Variants in CLNK observed in about 807,000 individuals in gnomAD.
CLNK encodes cytokine dependent hematopoietic cell linker.
CLNK carries 74 observed loss-of-function variants against 68.6 expected under a neutral mutation model. That is an observed-to-expected ratio of 1.08 (90% CI 0.89 to 1.31). The LOEUF (loss-of-function observed/expected upper bound fraction) is 1.31. Among genes scored for constraint, CLNK ranks in the 50% most tolerant of loss-of-function variants. CLNK has a pLI of 0.00. For missense variants in CLNK, 553 were observed against 515.3 expected, an observed-to-expected ratio of 1.07 and a Z score of -0.71; for synonymous variants, 198 against 172.2, an observed-to-expected ratio of 1.15 and a Z score of -1.17.
chr4:10,565,536 C>T (rs1720073012), intron 6 of CLNK, among the ~76,000 whole-genome samples: 1 of 152,190 alleles, frequency 6.6e-6, no homozygotes, highest in African/African-American at 2.4e-5. Flanking sequence ...CCTGCTGACG[C>T]TCTTAGGCTG....
In CLNK at chr4:10,575,570, G is replaced by A. The variant is rs528070754; in HGVS notation, c.113-3792C>T. On this transcript the variant is annotated intron_variant, in intron 4 of 18. Transcript: ENST00000226951. ...CAGGCCTGTCTCCTTTCCCTGTGGT[G>A]CTTGGCTGGCGTACATATCTCTCCT... Among the ~76,000 whole-genome samples the A allele has an allele frequency of 4.6e-5, 7 of 152,374 alleles. No individual in the cohort carries two copies. In the South Asian group the frequency reaches 1.4e-3, roughly 32 times the overall value.
chr4:10,577,568 C>T (rs1031706524), intron 4 of CLNK, among the ~76,000 whole-genome samples: 1 of 152,182 alleles, frequency 6.6e-6, no homozygotes, highest in Admixed American at 6.5e-5. Context: ...TTCCAGGATA[C>T]TCCCTGAAGT....
In CLNK at chr4:10,489,611, C is replaced by G. The variant is rs1258711835; in HGVS notation, c.*856G>C. On this transcript the variant is annotated 3_prime_UTR_variant, in exon 19 of 19. Coordinates refer to ENST00000226951, the MANE Select transcript of CLNK (RefSeq NM_052964.4). ...TGGTTTTCCATACCACATTTCTTCCCTATACTTGAATTTCTAGGATTACAA... is the reference window on the plus strand; with the variant it reads ...TGGTTTTCCATACCACATTTCTTCCGTATACTTGAATTTCTAGGATTACAA... The G allele has an allele frequency of 6.6e-6, 1 of 151,782 alleles. No homozygotes were observed. The highest frequency in any genetic ancestry group is 1.9e-4 in the East Asian group (1 of 5,188). The allele number at this position is 151,782 out of a possible 1,614,324, so 9.4% of individuals were successfully genotyped here.
intron 3 of CLNK, among the ~76,000 whole-genome samples, chr4:10,587,047 C>T (rs1254176536): frequency 6.6e-6 from 1 of 151,952 alleles, no homozygotes. Flanking sequence ...TCACTGCAAC[C>T]TCCGCCTCCC....
intron 2 of CLNK, chr4:10,635,645 A>G (rs1263422269): frequency 6.6e-6 from 1 of 152,212 alleles, no homozygotes; most frequent in Non-Finnish European, 1.5e-5. Context: ...ATTGCTCTGT[A>G]TGAATCTAGA....
intron 5 of CLNK, among the ~76,000 whole-genome samples, chr4:10,569,946 G>A (rs1370347396): frequency 1.3e-5 from 2 of 152,122 alleles, no homozygotes; most frequent in Non-Finnish European, 1.5e-5. Flanking sequence ...GTGATGTGCT[G>A]AGCCATAGGT....
At chr4:10,534,604 T>A (rs570666851) in intron 11 of CLNK, among the ~76,000 whole-genome samples, 185 of 152,324 alleles carry the variant, frequency 1.2e-3, no homozygotes, top group African/African-American at 4.3e-3. Flanking sequence ...TGAAGAGAAT[T>A]GCTGAAGATT....
At chr4:10,537,711 CTTTCTTTCTTTCTTTCTTTCTTT>C (rs1718848199) in intron 11 of CLNK, among the ~76,000 whole-genome samples, 1 of 99,436 alleles carries the variant, frequency 1.0e-5, no homozygotes, top group Non-Finnish European at 2.0e-5. Context: ...TCCTTCCTTT[CTTTCTTTCTTTCTTTCTTTCTTT>C]CTTCCTTTCT....
At chr4:10,658,304 T>C (rs2108887012) in intron 2 of CLNK, among the ~76,000 whole-genome samples, 1 of 152,366 alleles carries the variant, frequency 6.6e-6, no homozygotes, top group South Asian at 2.1e-4. Flanking sequence ...CTTTAAATTG[T>C]ATCCTGAATA....
At chr4:10,626,010 C>T (rs1722655643) in intron 2 of CLNK, among the ~76,000 whole-genome samples, 1 of 152,212 alleles carries the variant, frequency 6.6e-6, no homozygotes, top group Non-Finnish European at 1.5e-5. Flanking sequence ...AAATGATTCC[C>T]ACCTTTAAGG....
intron 18 of CLNK, among the ~76,000 whole-genome samples, chr4:10,490,962 G>A (rs573293830): frequency 6.0e-4 from 91 of 152,094 alleles, no homozygotes; most frequent in Non-Finnish European, 1.1e-3. Flanking sequence ...ACAGGGTTTC[G>A]CCATGTTGGC....
chr4:10,696,492 C>G, the CLNK span, among the ~76,000 whole-genome samples: 5 of 152,302 alleles, frequency 3.3e-5, no homozygotes, highest in Admixed American at 1.3e-4. Context: ...ACACGGCAGT[C>G]TAGGGGAGCT....
At chr4:10,608,943 T>C (rs922629657) in intron 2 of CLNK, among the ~76,000 whole-genome samples, 1 of 152,156 alleles carries the variant, frequency 6.6e-6, no homozygotes, top group Non-Finnish European at 1.5e-5. Flanking sequence ...AAAAATCATC[T>C]CTCTTACATT....
At chr4:10,654,992 T>C (rs965124472) in intron 2 of CLNK, among the ~76,000 whole-genome samples, 1 of 148,916 alleles carries the variant, frequency 6.7e-6, no homozygotes, top group Admixed American at 6.9e-5. Flanking sequence ...TCCCACCTAC[T>C]AGGGAGGCTG....
intron 10 of CLNK, 44 bp from the exon 11 acceptor site, chr4:10,540,648 G>A: frequency 1.5e-6 from 2 of 1,357,242 alleles, no homozygotes; most frequent in South Asian, 1.2e-5. Context: ...GTTTGCTGCA[G>A]CAGTGATGCC....
intron 2 of CLNK, among the ~76,000 whole-genome samples, chr4:10,613,204 G>A (rs1722098446): frequency 6.6e-6 from 1 of 152,142 alleles, no homozygotes; most frequent in Non-Finnish European, 1.5e-5. Flanking sequence ...AGGTGATAAG[G>A]TGCTCTGGAA....
At chr4:10,567,958 A>G (rs1037311597) in intron 5 of CLNK, among the ~76,000 whole-genome samples, 10 of 152,262 alleles carry the variant, frequency 6.6e-5, no homozygotes, top group African/African-American at 2.4e-4. Context: ...TGAGGATCTC[A>G]TGCATTGCTG....
At chr4:10,518,257 A>G (rs958074921) in intron 15 of CLNK, among the ~76,000 whole-genome samples, 1 of 152,186 alleles carries the variant, frequency 6.6e-6, no homozygotes, top group African/African-American at 2.4e-5. Context: ...ATTATAGATT[A>G]AGCTCTTAGC....
At chr4:10,622,048 A>C (rs997002833) in intron 2 of CLNK, among the ~76,000 whole-genome samples, 10 of 152,246 alleles carry the variant, frequency 6.6e-5, no homozygotes, top group African/African-American at 2.4e-4. Flanking sequence ...GGTTTGGGGA[A>C]AATGGCTGCT....
Sources: gnomAD v4.1 joint callset for allele counts (sites outside exome capture counted in the v4.1 genomes callset) on GRCh38, gnomAD v4.1.1 for gene constraint, MANE v1.5 for transcripts, NCBI Gene and HGNC (gene_info 2026-07-23, HGNC 2026-07-21) for gene names.